The following ARHGAP15 variants were observed in gnomAD, a reference collection of about 807,000 sequenced individuals.
ARHGAP15 encodes Rho GTPase activating protein 15.
ARHGAP15 carries 51 observed loss-of-function variants against 63.7 expected under a neutral mutation model. The ratio of observed to expected loss-of-function variants is 0.80; its 90% confidence interval spans 0.64 to 1.01. ARHGAP15 has a LOEUF of 1.01. Among genes scored for constraint, ARHGAP15 ranks in the 50% least tolerant of loss-of-function variants. ARHGAP15 has a pLI of 0.00. For missense variants in ARHGAP15, 560 were observed against 564.6 expected, an observed-to-expected ratio of 0.99 and a Z score of 0.08; for synonymous variants, 191 against 193.8, an observed-to-expected ratio of 0.99 and a Z score of 0.12.
chr2:143,602,397 C>T (rs963487055), intron 11 of ARHGAP15, among the ~76,000 whole-genome samples: 2 of 152,010 alleles, frequency 1.3e-5, no homozygotes, highest in Non-Finnish European at 2.9e-5. Context: ...TCCTGGGAAT[C>T]GAAATACAGT....
At chr2:143,332,989 AG>A (rs1684614842) in intron 6 of ARHGAP15, among the ~76,000 whole-genome samples, 1 of 151,696 alleles carries the variant, frequency 6.6e-6, no homozygotes, top group Non-Finnish European at 1.5e-5. Context: ...AAAAAAAAAA[AG>A]CTACCATTAT....
intron 6 of ARHGAP15, among the ~76,000 whole-genome samples, chr2:143,392,771 C>T (rs914589370): frequency 6.6e-6 from 1 of 152,100 alleles, no homozygotes; most frequent in African/African-American, 2.4e-5. Context: ...CTGTACAGTA[C>T]ATATGTCTCT....
chr2:143,767,915 T>C (rs2072974901), intron 13 of ARHGAP15, 74 bp from the exon 14 acceptor site: 2 of 1,406,488 alleles, frequency 1.4e-6, no homozygotes. Context: ...AGAAACCTTT[T>C]TTAATCACTC....
chr2:143,193,915 GAAGT>G (rs1691775212), intron 2 of ARHGAP15, among the ~76,000 whole-genome samples: 1 of 152,200 alleles, frequency 6.6e-6, no homozygotes, highest in Non-Finnish European at 1.5e-5. Context: ...TACACTTGAA[GAAGT>G]AAGAAGTAAA....
intron 1 of ARHGAP15, among the ~76,000 whole-genome samples, chr2:143,140,151 GTAT>G (rs1265752993): frequency 3.9e-5 from 6 of 152,032 alleles, no homozygotes; most frequent in South Asian, 2.1e-4. Context: ...TCAATTCTAA[GTAT>G]TATGATAAAA....
intron 6 of ARHGAP15, among the ~76,000 whole-genome samples, chr2:143,255,221 A>C (rs1179164187): frequency 6.6e-6 from 1 of 152,060 alleles, no homozygotes; most frequent in Non-Finnish European, 1.5e-5. Context: ...TGCTGCTTGA[A>C]AGGCAGAAAA....
chr2:143,225,183 G>A (rs756350250), intron 4 of ARHGAP15, among the ~76,000 whole-genome samples: 21 of 152,076 alleles, frequency 1.4e-4, no homozygotes, highest in Middle Eastern at 6.8e-3. Flanking sequence ...TTCCGCACTG[G>A]GCTTTGCAAA....
chr2:143,625,383 C>T (rs1374370633), intron 12 of ARHGAP15, among the ~76,000 whole-genome samples: 1 of 152,090 alleles, frequency 6.6e-6, no homozygotes, highest in Non-Finnish European at 1.5e-5. Flanking sequence ...TCTGGCAAAA[C>T]GGTATCAAGA....
chr2:143,743,270 A>G (rs767993820), intron 13 of ARHGAP15, among the ~76,000 whole-genome samples: 4 of 152,194 alleles, frequency 2.6e-5, no homozygotes, highest in Non-Finnish European at 4.4e-5. Flanking sequence ...CCTGTCTCAC[A>G]ATGTTTTCAT....
At chr2:143,585,975 A>G (rs990362226) in intron 11 of ARHGAP15, among the ~76,000 whole-genome samples, 15 of 151,970 alleles carry the variant, frequency 9.9e-5, no homozygotes, top group Non-Finnish European at 1.5e-4. Flanking sequence ...TGGTTAGGCT[A>G]CTCTCTAGTT....
rs142607948 is a variant in ARHGAP15, at chr2:143,217,993, C to A, written c.296+1548C>A. Among the ~76,000 whole-genome samples, 263 of 152,122 alleles carry A rather than the reference C, an allele frequency of 1.7e-3. 9 individuals carry two copies. The highest frequency in any genetic ancestry group is 0.013 in the Admixed American group (201 of 15,284). Reference sequence around the variant, plus strand: ...TTTTGTAAAGTATCCTTGTCCATAACCCCTCTGTAAACCAACCTTATAACA... The same window carrying A: ...TTTTGTAAAGTATCCTTGTCCATAAACCCTCTGTAAACCAACCTTATAACA... On this transcript the variant is annotated intron_variant, in intron 4 of 13. Coordinates refer to ENST00000295095, the MANE Select transcript of ARHGAP15 (RefSeq NM_018460.4).
intron 6 of ARHGAP15, among the ~76,000 whole-genome samples, chr2:143,311,796 A>C (rs1474047552): frequency 1.3e-5 from 2 of 152,148 alleles, no homozygotes; most frequent in Non-Finnish European, 2.9e-5. Context: ...TCTGCCTGCA[A>C]AGAAAAGAGA....
At chr2:143,208,836 T>G (rs1439152868) in intron 3 of ARHGAP15, among the ~76,000 whole-genome samples, 1 of 152,166 alleles carries the variant, frequency 6.6e-6, no homozygotes, top group African/African-American at 2.4e-5. Flanking sequence ...TGTTTATTTT[T>G]ATCAACAGAG....
chr2:143,703,692 G>C, intron 13 of ARHGAP15, 168 bp downstream of exon 13: 2 of 532,918 alleles, frequency 3.8e-6, no homozygotes, highest in Non-Finnish European at 3.2e-6. Context: ...TTAGGGATAG[G>C]AAGGACAATC....
intron 1 of ARHGAP15, among the ~76,000 whole-genome samples, chr2:143,151,790 A>G (rs1689832856): frequency 6.6e-6 from 1 of 151,742 alleles, no homozygotes; most frequent in African/African-American, 2.4e-5. Context: ...GTGGGACCCC[A>G]AAACAACTTG....
intron 8 of ARHGAP15, among the ~76,000 whole-genome samples, chr2:143,464,041 T>G (rs181566697): frequency 9.2e-5 from 14 of 152,328 alleles, no homozygotes; most frequent in African/African-American, 3.4e-4. Context: ...AGTAAAATGT[T>G]GCTTTCAACT....
At chr2:143,334,544 G>A (rs974040365) in intron 6 of ARHGAP15, among the ~76,000 whole-genome samples, 5 of 152,252 alleles carry the variant, frequency 3.3e-5, no homozygotes, top group Non-Finnish European at 2.9e-5. Flanking sequence ...ATGGTGATAA[G>A]ATGTAAAGCA....
At chr2:143,666,481 G>C (rs1362353447) in intron 12 of ARHGAP15, among the ~76,000 whole-genome samples, 1 of 150,112 alleles carries the variant, frequency 6.7e-6, no homozygotes, top group African/African-American at 2.5e-5. Flanking sequence ...AGAAAACCTA[G>C]GCATTACCAT....
At chr2:143,358,685 A>T (rs1329360283) in intron 6 of ARHGAP15, among the ~76,000 whole-genome samples, 13 of 151,640 alleles carry the variant, frequency 8.6e-5, no homozygotes, top group Non-Finnish European at 1.6e-4. Flanking sequence ...ATAGCTATGC[A>T]ACATATCTAT....
Sources: allele counts gnomAD v4.1 joint callset (sites outside exome capture counted in the v4.1 genomes callset), GRCh38; gene constraint gnomAD v4.1.1; transcripts MANE v1.5; gene names NCBI Gene and HGNC (gene_info 2026-07-23, HGNC 2026-07-21).